Variants in GRIP1 observed in about 807,000 individuals in gnomAD.
GRIP1 encodes glutamate receptor-interacting protein 1.
In GRIP1, 45 loss-of-function variants were observed where a neutral mutation model predicts 129.9. The observed-to-expected ratio is 0.35, with a 90% CI of 0.27 to 0.44. The LOEUF is 0.44. Ranked by LOEUF, GRIP1 falls within the 20% of genes least tolerant of loss-of-function variation. The pLI is 1.00. For synonymous variants in GRIP1, 530 were observed against 520.8 expected, an observed-to-expected ratio of 1.02 and a Z score of -0.24; for missense variants, 1,196 against 1,396.8, an observed-to-expected ratio of 0.86 and a Z score of 2.29.
At chr12:66,967,125 A>C (rs2042009379) in intron 1 of GRIP1, among the ~76,000 whole-genome samples, 1 of 152,104 alleles carries the variant, frequency 6.6e-6, no homozygotes, top group Admixed American at 6.6e-5. Flanking sequence ...GTTGTTCTCT[A>C]AGCATTGCTT....
chr12:66,878,288 C>T (rs1422235535), intron 1 of GRIP1, among the ~76,000 whole-genome samples: 1 of 151,870 alleles, frequency 6.6e-6, no homozygotes, highest in African/African-American at 2.4e-5. Flanking sequence ...ATAGTAAGTG[C>T]TAAAGGAACC....
intron 1 of GRIP1, among the ~76,000 whole-genome samples, chr12:66,859,483 T>C (rs1046596045): frequency 1.3e-5 from 2 of 151,824 alleles, no homozygotes; most frequent in African/African-American, 4.8e-5. Context: ...GTACACTACA[T>C]AAATAAATAA....
At chr12:66,441,235 C>T (rs1162439697) in intron 13 of GRIP1, among the ~76,000 whole-genome samples, 1 of 152,198 alleles carries the variant, frequency 6.6e-6, no homozygotes, top group Non-Finnish European at 1.5e-5. Context: ...TGACTTTTGT[C>T]TTGAAATTCT....
intron 1 of GRIP1, among the ~76,000 whole-genome samples, chr12:66,935,542 G>A (rs12818966): frequency 0.21 from 31,395 of 152,018 alleles, 3,509 homozygotes; most frequent in South Asian, 0.26. Flanking sequence ...GAGTTCAGTC[G>A]TGTGGCTAAT....
intron 1 of GRIP1, among the ~76,000 whole-genome samples, chr12:67,048,919 CT>C (rs1324255965): frequency 1.3e-5 from 2 of 152,082 alleles, no homozygotes; most frequent in Non-Finnish European, 2.9e-5. Flanking sequence ...CTTTTTTCTT[CT>C]TAGTCTTAGG....
At chr12:66,913,709 T>C in intron 1 of GRIP1, among the ~76,000 whole-genome samples, 1 of 152,186 alleles carries the variant, frequency 6.6e-6, no homozygotes, top group Non-Finnish European at 1.5e-5. Context: ...AAATAGAAAT[T>C]CAATGTCTTC....
chr12:66,617,973 A>G lies in GRIP1; in HGVS notation c.56-21046T>C, dbSNP rs370197278. ...GGACAACTTGGCAGTATTTATCAACATTATACATGCATATACCATTTGACC... is the reference window on the plus strand; with the variant it reads ...GGACAACTTGGCAGTATTTATCAACGTTATACATGCATATACCATTTGACC... On this transcript the variant is annotated intron_variant, in intron 1 of 24. Transcript: ENST00000359742. Among the ~76,000 whole-genome samples, 41 of 152,180 alleles carry G rather than the reference A, an allele frequency of 2.7e-4. 1 individual carries two copies. The highest frequency in any genetic ancestry group is 9.1e-4 in the African/African-American group (38 of 41,532).
intron 1 of GRIP1, among the ~76,000 whole-genome samples, chr12:67,056,475 T>C (rs906863450): frequency 2.0e-4 from 31 of 152,044 alleles, no homozygotes; most frequent in African/African-American, 7.0e-4. Context: ...GTTGAAAGTA[T>C]GGTAGCTCAG....
chr12:66,348,317 T>G lies in GRIP1; in HGVS notation c.*702A>C, dbSNP rs1371046873. ...CACTCTAATTCATTATCAGAGATTT[T>G]CAGCTATTAAAAATGTGTCCTTAAA... is the stretch of plus-strand genomic sequence containing the variant. On this transcript the variant is annotated 3_prime_UTR_variant, in exon 25 of 25. Transcript: ENST00000359742. The G allele has an allele frequency of 3.9e-5, 6 of 151,982 alleles. No individual in the cohort carries two copies. Among genetic ancestry groups the G allele is most frequent in the Admixed American group, 1.3e-4 (2 of 15,286 alleles). The allele number at this position is 151,982 out of a possible 1,614,324, so 9.4% of individuals were successfully genotyped here.
intron 1 of GRIP1, among the ~76,000 whole-genome samples, chr12:66,895,758 T>C (rs996360228): frequency 2.0e-5 from 3 of 152,236 alleles, no homozygotes; most frequent in South Asian, 2.1e-4. Context: ...TACTTTCATA[T>C]TAATGTTCAT....
intron 1 of GRIP1, among the ~76,000 whole-genome samples, chr12:66,726,652 A>C (rs894269695): frequency 1.3e-5 from 2 of 152,222 alleles, no homozygotes; most frequent in African/African-American, 4.8e-5. Context: ...GCAGCCTGTC[A>C]TGCAGTTGTA....
At chr12:66,897,140 A>G (rs2040763476) in intron 1 of GRIP1, among the ~76,000 whole-genome samples, 1 of 152,184 alleles carries the variant, frequency 6.6e-6, no homozygotes. Context: ...AGAAATTCAC[A>G]GTGTTGTCGG....
chr12:66,686,019 C>G (rs1171453341), intron 1 of GRIP1, among the ~76,000 whole-genome samples: 1 of 152,138 alleles, frequency 6.6e-6, no homozygotes, highest in Admixed American at 6.5e-5. Flanking sequence ...ATATGCAATA[C>G]TGTTTGTAAA....
chr12:66,983,121 C>G (rs1374737687), intron 1 of GRIP1, among the ~76,000 whole-genome samples: 3 of 152,106 alleles, frequency 2.0e-5, no homozygotes, highest in African/African-American at 7.2e-5. Context: ...GAACTTGGGT[C>G]CCTTATGGCA....
intron 5 of GRIP1, among the ~76,000 whole-genome samples, chr12:66,528,640 A>G (rs2061344216): frequency 6.6e-6 from 1 of 152,230 alleles, no homozygotes; most frequent in Admixed American, 6.5e-5. Context: ...GTATTAAATC[A>G]AATCAAGCAT....
chr12:66,734,398 T>C (rs1369398650), intron 1 of GRIP1, among the ~76,000 whole-genome samples: 1 of 152,166 alleles, frequency 6.6e-6, no homozygotes. Context: ...TTGCCTTTGA[T>C]TGTCTGAAAT....
chr12:66,478,283 A>G (rs1402257042), intron 7 of GRIP1, among the ~76,000 whole-genome samples: 1 of 152,250 alleles, frequency 6.6e-6, no homozygotes, highest in Non-Finnish European at 1.5e-5. Context: ...AAAAATGCTC[A>G]TCATCACTGG....
intron 1 of GRIP1, among the ~76,000 whole-genome samples, chr12:67,010,828 C>G (rs748989292): frequency 2.6e-5 from 4 of 152,004 alleles, no homozygotes; most frequent in Non-Finnish European, 5.9e-5. Context: ...CCCCCCAGCG[C>G]AGGAACACCC....
chr12:67,064,127 T>C (rs577504446), intron 1 of GRIP1, among the ~76,000 whole-genome samples: 1 of 152,344 alleles, frequency 6.6e-6, no homozygotes, highest in South Asian at 2.1e-4. Flanking sequence ...TATGTTGAGG[T>C]TCCAATCCTT....
Sources: gnomAD v4.1 joint callset for allele counts (sites outside exome capture counted in the v4.1 genomes callset) on GRCh38, gnomAD v4.1.1 for gene constraint, MANE v1.5 for transcripts, NCBI Gene and HGNC (gene_info 2026-07-23, HGNC 2026-07-21) for gene names.